CASQ2: variants seen among roughly 807,000 people sequenced by gnomAD.
CASQ2 encodes the protein calsequestrin 2.
Under a neutral mutation model 46.5 loss-of-function variants are expected in CASQ2, and 49 were observed. The ratio of observed to expected loss-of-function variants is 1.05; its 90% confidence interval spans 0.84 to 1.34. The LOEUF (loss-of-function observed/expected upper bound fraction) is 1.34. Among genes scored for constraint, CASQ2 ranks in the 40% most tolerant of loss-of-function variants. The pLI is 0.00. For synonymous variants in CASQ2, 174 were observed against 168.5 expected (o/e 1.03, Z -0.25); for missense variants, 486 against 481.3 (o/e 1.01, Z -0.09).
At chr1:115,715,598 T>C (rs899480539) in intron 8 of CASQ2, among the ~76,000 whole-genome samples, 3 of 152,346 alleles carry the variant, frequency 2.0e-5, no homozygotes, top group Non-Finnish European at 4.4e-5. Flanking sequence ...CAAAATGTTC[T>C]AGAATTAGAT....
At chr1:115,755,645 C>A (rs1308882796) in intron 1 of CASQ2, among the ~76,000 whole-genome samples, 2 of 152,166 alleles carry the variant, frequency 1.3e-5, no homozygotes, top group Non-Finnish European at 2.9e-5. Flanking sequence ...ACAGCAAATG[C>A]CATGGATAAC....
At chr1:115,710,864 G>A (rs181709985) in intron 8 of CASQ2, among the ~76,000 whole-genome samples, 69 of 152,296 alleles carry the variant, frequency 4.5e-4, no homozygotes, top group Middle Eastern at 3.4e-3. Flanking sequence ...CACGGCAAGC[G>A]ACTGGCCTCT....
intron 5 of CASQ2, 69 bp downstream of exon 5, chr1:115,732,831 TG>T: frequency 9.8e-7 from 1 of 1,023,846 alleles, no homozygotes; most frequent in Non-Finnish European, 1.6e-6. Flanking sequence ...AAAGAAAGAG[TG>T]GTGAGAGTTC....
intron 8 of CASQ2, among the ~76,000 whole-genome samples, chr1:115,707,589 C>T (rs533892033): frequency 6.6e-6 from 1 of 152,284 alleles, no homozygotes; most frequent in Admixed American, 6.5e-5. Flanking sequence ...CGTGTGGACA[C>T]TATGGGTCGT....
At chr1:115,717,999 G>C in intron 7 of CASQ2, 105 bp from the exon 8 acceptor site, 1 of 808,936 alleles carries the variant, frequency 1.2e-6, no homozygotes, top group Non-Finnish European at 2.2e-6. Context: ...GAGAGGTAGG[G>C]AGAGGTGTGG....
At chr1:115,718,869 C>T (rs1256535414) in intron 7 of CASQ2, among the ~76,000 whole-genome samples, 1 of 152,094 alleles carries the variant, frequency 6.6e-6, no homozygotes, top group Non-Finnish European at 1.5e-5. Flanking sequence ...TCTGCTATCA[C>T]AAATGTGATT....
At chr1:115,735,552 TAAA>T (rs887569232) in intron 4 of CASQ2, among the ~76,000 whole-genome samples, 28 of 152,152 alleles carry the variant, frequency 1.8e-4, no homozygotes, top group African/African-American at 5.8e-4. Context: ...AATTCAACCT[TAAA>T]AAGAGGTTAA....
In CASQ2 at chr1:115,706,023, C is replaced by CTCCTAAA. The variant is rs1557785300; in HGVS notation, c.839-732_839-731insTTTAGGA. On this transcript the variant is annotated intron_variant, in intron 8 of 10. Coordinates refer to ENST00000261448, the MANE Select transcript of CASQ2 (RefSeq NM_001232.4). The stretch of plus-strand genomic sequence containing the variant: ...GCCATAAACAAAAATTTTAGGAGAA[C>CTCCTAAA]GTTTAGTAAGAGATAGCATACTCTC... Among the ~76,000 whole-genome samples, 15 of 152,208 alleles carry CTCCTAAA rather than the reference C, an allele frequency of 9.9e-5. No individual in the cohort carries two copies. The East Asian group carries it at 2.7e-3, about 27-fold the overall frequency.
chr1:115,708,718 G>T (rs1341228721), intron 8 of CASQ2, among the ~76,000 whole-genome samples: 1 of 152,202 alleles, frequency 6.6e-6, no homozygotes, highest in East Asian at 1.9e-4. Context: ...TCAAAGGCAA[G>T]GAAGCTGGCT....
chr1:115,734,934 TC>T (rs2101088219), intron 4 of CASQ2, among the ~76,000 whole-genome samples: 1 of 152,308 alleles, frequency 6.6e-6, no homozygotes, highest in East Asian at 1.9e-4. Context: ...AATAAACATG[TC>T]AAAATAGATT....
intron 7 of CASQ2, among the ~76,000 whole-genome samples, chr1:115,720,722 GC>G (rs768467612): frequency 6.6e-6 from 1 of 152,096 alleles, no homozygotes; most frequent in Non-Finnish European, 1.5e-5. Context: ...CACTTTGTAC[GC>G]CCCCCTGTCG....
Position 115,757,239 on chromosome 1 carries a change from C to A in CASQ2, c.234+11069G>T, listed in dbSNP as rs767606850. ...TTTCTGTTCTTTTACCGTCTCACTC[C>A]AAGGATCCCCTGTATTACCGATATG... On this transcript the variant is annotated intron_variant, in intron 1 of 10. Transcript: ENST00000261448. Among the ~76,000 whole-genome samples the A allele has an allele frequency of 5.3e-5, 8 of 152,150 alleles. No homozygotes were observed. The East Asian group carries it at 1.5e-3, about 29-fold the overall frequency.
At chr1:115,744,003 G>A (rs1356625601) in intron 2 of CASQ2, among the ~76,000 whole-genome samples, 1 of 150,300 alleles carries the variant, frequency 6.7e-6, no homozygotes, top group Non-Finnish European at 1.5e-5. Flanking sequence ...AATGAACTGA[G>A]CGTGGTGGCG....
At chr1:115,706,879 T>C (rs1654379760) in intron 8 of CASQ2, among the ~76,000 whole-genome samples, 1 of 152,216 alleles carries the variant, frequency 6.6e-6, no homozygotes, top group Admixed American at 6.5e-5. Context: ...TTATCTCTAA[T>C]GCATTCCAGG....
chr1:115,744,710 C>A (rs1228728216), intron 2 of CASQ2, 118 bp downstream of exon 2: 2 of 728,758 alleles, frequency 2.7e-6, no homozygotes, highest in Non-Finnish European at 5.0e-6. Flanking sequence ...TATGCAGGAT[C>A]ATTTTATATA....
At position 115,717,827 on chromosome 1, in the gene CASQ2, G is replaced by A; in HGVS notation, c.838+13C>T. On this transcript the variant is annotated intron_variant, in intron 8 of 10. Transcript: ENST00000261448. ...TGCTAGAGCTGTAAAAGAGCAGGTTGAAGGTTTCCTACCTGGATCACTCTT... is the reference window on the plus strand; with the variant it reads ...TGCTAGAGCTGTAAAAGAGCAGGTTAAAGGTTTCCTACCTGGATCACTCTT... The A allele has an allele frequency of 6.3e-7, 1 of 1,592,370 alleles. No individual in the cohort carries two copies. The highest frequency in any genetic ancestry group is 8.6e-7 in the Non-Finnish European group (1 of 1,160,406).
chr1:115,740,175 C>A (rs7544242), intron 3 of CASQ2, among the ~76,000 whole-genome samples: 108,159 of 152,146 alleles, frequency 0.71, 42,165 homozygotes, highest in Non-Finnish European at 0.88. Context: ...GCGGTTACTG[C>A]AAGTGTGAGT....
At chr1:115,765,698 T>C (rs1649112404) in intron 1 of CASQ2, among the ~76,000 whole-genome samples, 1 of 152,086 alleles carries the variant, frequency 6.6e-6, no homozygotes, top group Non-Finnish European at 1.5e-5. Flanking sequence ...TACTGGGTCA[T>C]AGTCGGTTAT....
chr1:115,745,872 G>A (rs1349973722), intron 1 of CASQ2, among the ~76,000 whole-genome samples: 1 of 152,178 alleles, frequency 6.6e-6, no homozygotes, highest in African/African-American at 2.4e-5. Context: ...CAAAACGGAG[G>A]TACAATGTTA....
Sources: gnomAD v4.1 joint callset for allele counts (sites outside exome capture counted in the v4.1 genomes callset) on GRCh38, gnomAD v4.1.1 for gene constraint, MANE v1.5 for transcripts, NCBI Gene and HGNC (gene_info 2026-07-23, HGNC 2026-07-21) for gene names.